MYO3B: variants seen among roughly 807,000 people sequenced by gnomAD.
MYO3B encodes myosin IIIB.
MYO3B carries 156 observed loss-of-function variants against 174.6 expected under a neutral mutation model. The observed-to-expected ratio is 0.89, with a 90% confidence interval of 0.78 to 1.02. The LOEUF is 1.02. Among genes scored for constraint, MYO3B ranks in the 50% least tolerant of loss-of-function variants. The probability of loss-of-function intolerance (pLI) is 0.00; values close to 1 mark genes in which losing one functional copy is unlikely to be tolerated. For synonymous variants in MYO3B, 563 were observed against 569.1 expected, an observed-to-expected ratio of 0.99 and a Z score of 0.15; for missense variants, 1,632 against 1,639.4, an observed-to-expected ratio of 1.00 and a Z score of 0.08.
At chr2:170,484,097 A>C (rs879676406) in intron 25 of MYO3B, among the ~76,000 whole-genome samples, 1 of 152,244 alleles carries the variant, frequency 6.6e-6, no homozygotes, top group Non-Finnish European at 1.5e-5. Context: ...AGAGAAAAAT[A>C]GATTTTTCTT....
intron 32 of MYO3B, among the ~76,000 whole-genome samples, chr2:170,613,406 G>C (rs1029574763): frequency 3.3e-5 from 5 of 152,186 alleles, no homozygotes; most frequent in African/African-American, 1.2e-4. Context: ...TCTACCCAGA[G>C]CATCCAAGCT....
intron 16 of MYO3B, among the ~76,000 whole-genome samples, chr2:170,398,075 T>A (rs563115958): frequency 1.3e-5 from 2 of 151,646 alleles, no homozygotes; most frequent in Non-Finnish European, 2.9e-5. Flanking sequence ...TACAAAAATT[T>A]AGCTGGGCAT....
At chr2:170,638,291 G>A (rs1274829701) in intron 32 of MYO3B, among the ~76,000 whole-genome samples, 2 of 152,166 alleles carry the variant, frequency 1.3e-5, no homozygotes, top group Admixed American at 6.5e-5. Flanking sequence ...GCTGGGCAAA[G>A]GCTGAGGTGA....
intron 8 of MYO3B, among the ~76,000 whole-genome samples, chr2:170,339,877 A>G (rs2093966944): frequency 6.6e-6 from 1 of 152,146 alleles, no homozygotes; most frequent in African/African-American, 2.4e-5. Flanking sequence ...TCCATATGCT[A>G]GGACCCTGCT....
At chr2:170,332,291 A>G (rs1304477074) in intron 7 of MYO3B, 1 of 152,174 alleles carries the variant, frequency 6.6e-6, no homozygotes, top group Non-Finnish European at 1.5e-5. Flanking sequence ...AAAGGCAGAC[A>G]AGAAATCAAG....
chr2:170,646,733 G>C (rs1427702287), intron 32 of MYO3B, among the ~76,000 whole-genome samples: 1 of 152,080 alleles, frequency 6.6e-6, no homozygotes, highest in Non-Finnish European at 1.5e-5. Flanking sequence ...CAGGAGGCAG[G>C]GAACCTGTGG....
At chr2:170,515,918 GAACA>G (rs1336163658) in intron 29 of MYO3B, among the ~76,000 whole-genome samples, 1 of 152,142 alleles carries the variant, frequency 6.6e-6, no homozygotes, top group East Asian at 1.9e-4. Context: ...GGATCCAGGA[GAACA>G]TCAGTGTTTC....
chr2:170,613,168 A>G (rs543122107), intron 32 of MYO3B, among the ~76,000 whole-genome samples: 190 of 152,272 alleles, frequency 1.2e-3, no homozygotes, highest in African/African-American at 4.5e-3. Context: ...GATCATCTCT[A>G]TTAATCTCAC....
intron 8 of MYO3B, among the ~76,000 whole-genome samples, chr2:170,355,993 G>A (rs1005944637): frequency 6.6e-6 from 1 of 151,522 alleles, no homozygotes; most frequent in Non-Finnish European, 1.5e-5. Context: ...ATGGAGTCTC[G>A]CTGTGTCGCC....
At chr2:170,339,309 T>C (rs576522542) in intron 8 of MYO3B, among the ~76,000 whole-genome samples, 1 of 152,354 alleles carries the variant, frequency 6.6e-6, no homozygotes, top group Non-Finnish European at 1.5e-5. Flanking sequence ...AAAGAATAAA[T>C]AGGACAAAAA....
intron 32 of MYO3B, among the ~76,000 whole-genome samples, chr2:170,618,985 TA>T (rs1695650441): frequency 6.6e-6 from 1 of 152,130 alleles, no homozygotes; most frequent in Middle Eastern, 3.2e-3. Context: ...TAATCAGCAG[TA>T]ACAATTGCAA....
At chr2:170,263,266 C>A (rs1168064185) in intron 7 of MYO3B, among the ~76,000 whole-genome samples, 1 of 152,086 alleles carries the variant, frequency 6.6e-6, no homozygotes, top group Non-Finnish European at 1.5e-5. Flanking sequence ...ATTCAGCAGG[C>A]AATTGGGCTG....
At chr2:170,350,356 C>T (rs2094055802) in intron 8 of MYO3B, 1 of 152,170 alleles carries the variant, frequency 6.6e-6, no homozygotes. Flanking sequence ...GCCTTAAATA[C>T]ATGAAAAGAA....
chr2:170,254,769 C>A (rs1203559024), intron 7 of MYO3B, among the ~76,000 whole-genome samples: 1 of 152,200 alleles, frequency 6.6e-6, no homozygotes, highest in Non-Finnish European at 1.5e-5. Flanking sequence ...GTTCATGTGC[C>A]AGCATGGGAA....
chr2:170,625,303 A>G (rs1341323248), intron 32 of MYO3B, among the ~76,000 whole-genome samples: 3 of 152,112 alleles, frequency 2.0e-5, no homozygotes, highest in African/African-American at 4.8e-5. Context: ...GGGAGGGTAT[A>G]TGTGTGGAGG....
intron 8 of MYO3B, chr2:170,338,143 A>C (rs1294081019): frequency 6.6e-6 from 1 of 152,206 alleles, no homozygotes; most frequent in African/African-American, 2.4e-5. Flanking sequence ...ACTCATTCTG[A>C]GTTGCAAAAG....
chr2:170,285,953 A>G lies in MYO3B; in HGVS notation c.750-49432A>G, dbSNP rs183913421. ...CCAATTGTTCCAATATCATTTACTGATTAATGTTTTACCAACTGATTTATC... is the reference window on the plus strand; with the variant it reads ...CCAATTGTTCCAATATCATTTACTGGTTAATGTTTTACCAACTGATTTATC... On this transcript the variant is annotated intron_variant, in intron 7 of 34. Transcript: ENST00000408978. Among the ~76,000 whole-genome samples the G allele has an allele frequency of 2.2e-3, 333 of 152,180 alleles. 4 individuals are homozygous for G. Among genetic ancestry groups the G allele is most frequent in the Non-Finnish European group, 1.5e-3 (100 of 68,002 alleles).
chr2:170,263,150 T>A lies in MYO3B; in HGVS notation c.749+27014T>A, dbSNP rs556001601. ...ACTTAGCAGCTTAAATAACAATTTG[T>A]GGTTTATCATGAGTTGGTAGGTTAG... is the stretch of plus-strand genomic sequence containing the variant. On this transcript the variant is annotated intron_variant, in intron 7 of 34. Transcript: ENST00000408978. Among the ~76,000 whole-genome samples the A allele has an allele frequency of 4.6e-5, 7 of 152,244 alleles. No homozygotes were observed. In the East Asian group the frequency reaches 1.4e-3, roughly 29 times the overall value.
At chr2:170,546,065 A>G (rs1450162043) in intron 32 of MYO3B, among the ~76,000 whole-genome samples, 4 of 152,072 alleles carry the variant, frequency 2.6e-5, no homozygotes, top group Non-Finnish European at 5.9e-5. Context: ...TTCTCCGAAC[A>G]TGCCTGGTGT....
Sources: gnomAD v4.1 joint callset for allele counts (sites outside exome capture counted in the v4.1 genomes callset) on GRCh38, gnomAD v4.1.1 for gene constraint, MANE v1.5 for transcripts, NCBI Gene and HGNC (gene_info 2026-07-23, HGNC 2026-07-21) for gene names.